The following HDAC8 variants were observed in gnomAD, a reference collection of about 807,000 sequenced individuals.
HDAC8 encodes histone deacetylase 8, also known as histone deacetylase-like 1.
A neutral mutation model predicts 32.2 loss-of-function variants in HDAC8; 1 was observed. The observed-to-expected ratio is 0.03, with a 90% CI of 0.01 to 0.15. The LOEUF is 0.15. HDAC8 is among the 10% of genes least tolerant of loss of function. The pLI, the probability that HDAC8 is intolerant of heterozygous loss-of-function variation, is 1.00. For missense variants in HDAC8, 117 were observed against 300.0 expected (o/e 0.39, Z 4.51); for synonymous variants, 108 against 113.9 (o/e 0.95, Z 0.33).
chrX:72,499,665 A>G (rs1556015003), intron 4 of HDAC8, among the ~76,000 whole-genome samples: 1 of 111,946 alleles, frequency 8.9e-6, no homozygotes. Flanking sequence ...GGAAACTCCT[A>G]GCACTAAATG....
chrX:72,506,229 T>C (rs2049387677), intron 4 of HDAC8, among the ~76,000 whole-genome samples: 1 of 112,520 alleles, frequency 8.9e-6, no homozygotes, highest in African/African-American at 3.2e-5. Context: ...ACCTTTTACA[T>C]GAAAGATGAC....
At chrX:72,559,032 C>CT (rs1230683084) in intron 4 of HDAC8, among the ~76,000 whole-genome samples, 1 of 24,200 alleles carries the variant, frequency 4.1e-5, no homozygotes, top group African/African-American at 1.4e-4. Flanking sequence ...TACCTAGCTT[C>CT]TCCCCCTCCC....
intron 2 of HDAC8, among the ~76,000 whole-genome samples, chrX:72,571,553 C>CTTTTTT (rs782331910): frequency 2.4e-3 from 73 of 30,435 alleles, no homozygotes; most frequent in Non-Finnish European, 3.6e-3. Flanking sequence ...TTCTTTCTTT[C>CTTTTTT]TTTTTTTTTT....
intron 7 of HDAC8, chrX:72,473,607 T>G (rs782588071): frequency 1.5e-6 from 1 of 663,737 alleles, no homozygotes; most frequent in Non-Finnish European, 1.8e-6. Flanking sequence ...GCAGAGCTGG[T>G]TTTTGAACCC....
chrX:72,457,162 T>C lies in HDAC8; in HGVS notation c.1005+4842A>G, dbSNP rs186636245. On this transcript the variant is annotated intron_variant, in intron 9 of 10. Transcript: ENST00000373573. ...AAACATTTGACAAAATCAGTACTCATTTGTGAGAAAAAAAAAAGTCTCAGT... is the reference window on the plus strand; with the variant it reads ...AAACATTTGACAAAATCAGTACTCACTTGTGAGAAAAAAAAAAGTCTCAGT... 2.7e-5 allele frequency among the ~76,000 whole-genome samples: 3 copies of C among 111,491 alleles called. No homozygotes were observed. The Admixed American group carries it at 2.9e-4, about 11-fold the overall frequency.
intron 4 of HDAC8, among the ~76,000 whole-genome samples, chrX:72,524,824 C>G (rs1293959654): frequency 5.4e-5 from 6 of 111,078 alleles, no homozygotes; most frequent in African/African-American, 1.6e-4. Flanking sequence ...CCTTTCCCTA[C>G]TCCTCCCCCA....
At chrX:72,343,425 G>A (rs1474168819) in intron 10 of HDAC8, among the ~76,000 whole-genome samples, 1 of 105,848 alleles carries the variant, frequency 9.4e-6, no homozygotes, top group Non-Finnish European at 1.9e-5. Flanking sequence ...TGCCTGTCTC[G>A]GCCTCTCAAA....
intron 9 of HDAC8, among the ~76,000 whole-genome samples, chrX:72,453,524 A>AAAGAAAGAAAGAAAGAAAGAAAGAAAG (rs782366543): frequency 2.0e-5 from 2 of 99,787 alleles, no homozygotes; most frequent in African/African-American, 7.2e-5. Flanking sequence ...AAGAAAGAAA[A>AAAGAAAGAAAGAAAGAAAGAAAGAAAG]AGAAAGAAAA....
At chrX:72,369,934 G>A (rs1226044920) in intron 9 of HDAC8, among the ~76,000 whole-genome samples, 1 of 112,315 alleles carries the variant, frequency 8.9e-6, no homozygotes, top group African/African-American at 3.2e-5. Context: ...TGGGGATTAG[G>A]GGTGGTTGGA....
chrX:72,402,021 C>T (rs886173216), intron 9 of HDAC8, among the ~76,000 whole-genome samples: 10 of 111,622 alleles, frequency 9.0e-5, no homozygotes, highest in African/African-American at 2.9e-4. Flanking sequence ...GATAACTAAT[C>T]CAATTTGTTT....
chrX:72,479,706 C>T (rs782227628), intron 7 of HDAC8, among the ~76,000 whole-genome samples: 48 of 112,624 alleles, frequency 4.3e-4, no homozygotes, highest in Non-Finnish European at 7.1e-4. Flanking sequence ...GGCAGGGCTA[C>T]TTCGTGCAGT....
At chrX:72,509,175 A>T (rs1295454578) in intron 4 of HDAC8, among the ~76,000 whole-genome samples, 1 of 108,640 alleles carries the variant, frequency 9.2e-6, no homozygotes, top group African/African-American at 3.4e-5. Flanking sequence ...ATCTCAGCTC[A>T]CCGCAACCTC....
Position 72,564,159 on chromosome X carries a change from T to C in HDAC8, c.437+3730A>G, listed in dbSNP as rs1569409553. Among the ~76,000 whole-genome samples the C allele has an allele frequency of 2.7e-5, 3 of 111,875 alleles. No homozygotes were observed. The South Asian group carries it at 1.1e-3, about 42-fold the overall frequency. Reference sequence around the variant, plus strand: ...TGGATGACAGAGCCGAGATTCTGTCTCAAAAAAAAGAGGCTTACCTAATGG... The same window carrying C: ...TGGATGACAGAGCCGAGATTCTGTCCCAAAAAAAAGAGGCTTACCTAATGG... On this transcript the variant is annotated intron_variant, in intron 4 of 10. Coordinates refer to ENST00000373573, the MANE Select transcript of HDAC8 (RefSeq NM_018486.3).
intron 4 of HDAC8, among the ~76,000 whole-genome samples, chrX:72,544,747 A>G (rs1169899890): frequency 1.8e-5 from 2 of 112,073 alleles, no homozygotes; most frequent in Admixed American, 1.9e-4. Context: ...GAATTGATTT[A>G]GAAGGTTCCA....
chrX:72,441,393 C>T (rs888406893), intron 9 of HDAC8, among the ~76,000 whole-genome samples: 1 of 112,174 alleles, frequency 8.9e-6, no homozygotes, highest in African/African-American at 3.2e-5. Flanking sequence ...ATCCACTCTT[C>T]TGCAGCCACC....
chrX:72,463,075 A>T (rs949139827), intron 8 of HDAC8, among the ~76,000 whole-genome samples: 6 of 111,511 alleles, frequency 5.4e-5, no homozygotes, highest in Non-Finnish European at 1.1e-4. Context: ...TTAGGTCTCA[A>T]TGGGGTCCAC....
intron 4 of HDAC8, among the ~76,000 whole-genome samples, chrX:72,497,538 C>T (rs189033347): frequency 2.0e-3 from 224 of 111,628 alleles, no homozygotes; most frequent in African/African-American, 6.8e-3. Flanking sequence ...CCAGCCATGT[C>T]TTTTCTGATT....
At position 72,506,633 on chromosome X, in the gene HDAC8, G is replaced by A. The variant is rs1235569851; in HGVS notation, c.438-11365C>T. On this transcript the variant is annotated intron_variant, in intron 4 of 10. Coordinates refer to ENST00000373573, the MANE Select transcript of HDAC8 (RefSeq NM_018486.3). ...CATTAGGCTCCACCTCTTAACATTG[G>A]GGATTAAATTCAACATGAGTTTTGG... Among the ~76,000 whole-genome samples the A allele has an allele frequency of 4.0e-4, 44 of 110,994 alleles. 1 individual carries two copies. In the Admixed American group the frequency reaches 4.2e-3, roughly 11 times the overall value.
At chrX:72,436,165 GC>G (rs1370618184) in intron 9 of HDAC8, among the ~76,000 whole-genome samples, 2 of 111,351 alleles carry the variant, frequency 1.8e-5, no homozygotes, top group Non-Finnish European at 3.8e-5. Flanking sequence ...CAAAGAAATG[GC>G]TGAAACTTCC....
Sources: allele counts gnomAD v4.1 joint callset (sites outside exome capture counted in the v4.1 genomes callset), GRCh38; gene constraint gnomAD v4.1.1; transcripts MANE v1.5; gene names NCBI Gene and HGNC (gene_info 2026-07-23, HGNC 2026-07-21).